NTRK2: variants seen among roughly 807,000 people sequenced by gnomAD.
NTRK2 encodes BDNF/NT-3 growth factors receptor.
A neutral mutation model predicts 94.5 loss-of-function variants in NTRK2; 13 were observed. The observed-to-expected ratio is 0.14, with a 90% confidence interval of 0.09 to 0.22. The LOEUF (loss-of-function observed/expected upper bound fraction) is 0.22. NTRK2 is among the 10% of genes least tolerant of loss of function. The pLI is 1.00. For missense variants in NTRK2, 639 were observed against 1,071.2 expected, an observed-to-expected ratio of 0.60 and a Z score of 5.63; for synonymous variants, 372 against 407.4, an observed-to-expected ratio of 0.91 and a Z score of 1.05.
At chr9:85,019,318 G>C (rs1239519496) in intron 17 of NTRK2, among the ~76,000 whole-genome samples, 2 of 152,082 alleles carry the variant, frequency 1.3e-5, no homozygotes, top group African/African-American at 2.4e-5. Flanking sequence ...GTGCTGGGGG[G>C]TTACCAGGAT....
At chr9:84,709,298 C>T (rs1386368918) in intron 5 of NTRK2, among the ~76,000 whole-genome samples, 1 of 152,188 alleles carries the variant, frequency 6.6e-6, no homozygotes, top group African/African-American at 2.4e-5. Flanking sequence ...ATAATTGAAG[C>T]ATTCCTTTCC....
intron 17 of NTRK2, among the ~76,000 whole-genome samples, chr9:84,995,696 T>C (rs1488308048): frequency 6.6e-6 from 1 of 152,166 alleles, no homozygotes; most frequent in Non-Finnish European, 1.5e-5. Context: ...ATACTACATA[T>C]ATAAAGAACT....
intron 8 of NTRK2, among the ~76,000 whole-genome samples, chr9:84,726,962 C>G (rs2062507449): frequency 6.6e-6 from 1 of 152,168 alleles, no homozygotes. Context: ...CCTACTCTGT[C>G]CAGGCTTAGA....
intron 2 of NTRK2, among the ~76,000 whole-genome samples, chr9:84,686,034 A>G (rs558396297): frequency 2.0e-5 from 3 of 152,286 alleles, no homozygotes; most frequent in South Asian, 2.1e-4. Flanking sequence ...CCCCACCCCC[A>G]TATATATACA....
chr9:84,803,744 G>T (rs538868317), intron 12 of NTRK2, among the ~76,000 whole-genome samples: 1 of 152,178 alleles, frequency 6.6e-6, no homozygotes, highest in African/African-American at 2.4e-5. Context: ...GCAGAGTTGG[G>T]TAATTCATGT....
At chr9:84,912,513 GC>G (rs2077266772) in intron 14 of NTRK2, among the ~76,000 whole-genome samples, 1 of 149,196 alleles carries the variant, frequency 6.7e-6, no homozygotes, top group East Asian at 2.0e-4. Flanking sequence ...AATTATCTTT[GC>G]TATACAGTTT....
intron 12 of NTRK2, among the ~76,000 whole-genome samples, chr9:84,756,002 T>C (rs1301424389): frequency 2.0e-5 from 3 of 152,152 alleles, no homozygotes; most frequent in Non-Finnish European, 4.4e-5. Context: ...CTACCATAAT[T>C]GCAGAAGCCA....
At chr9:84,954,939 A>C (rs1325396489) in intron 16 of NTRK2, among the ~76,000 whole-genome samples, 4 of 152,196 alleles carry the variant, frequency 2.6e-5, no homozygotes, top group Admixed American at 2.0e-4. Context: ...TCTCAGGGTC[A>C]GGGGGCCCTG....
At chr9:85,001,557 T>C (rs868459608) in intron 17 of NTRK2, among the ~76,000 whole-genome samples, 3 of 68,898 alleles carry the variant, frequency 4.4e-5, no homozygotes, top group Middle Eastern at 8.9e-3. Flanking sequence ...AGGAATTCTC[T>C]TGAAGCCCTT....
At chr9:84,693,182 C>T (rs1301316737) in intron 2 of NTRK2, among the ~76,000 whole-genome samples, 5 of 152,142 alleles carry the variant, frequency 3.3e-5, no homozygotes, top group South Asian at 2.1e-4. Context: ...GGTCAGATCC[C>T]GACCACGTGC....
chr9:84,828,184 C>A (rs1746534370), intron 12 of NTRK2, among the ~76,000 whole-genome samples: 2 of 152,162 alleles, frequency 1.3e-5, no homozygotes, highest in Non-Finnish European at 2.9e-5. Flanking sequence ...TCTATAATTA[C>A]ATTTTTGGCA....
intron 2 of NTRK2, among the ~76,000 whole-genome samples, chr9:84,676,765 T>G (rs1003258175): frequency 1.3e-5 from 2 of 152,068 alleles, no homozygotes; most frequent in African/African-American, 4.8e-5. Flanking sequence ...GTAACTGTGG[T>G]TTTTGCCATT....
At chr9:84,751,243 G>C (rs1057421073) in intron 11 of NTRK2, among the ~76,000 whole-genome samples, 7 of 152,146 alleles carry the variant, frequency 4.6e-5, no homozygotes, top group African/African-American at 1.7e-4. Context: ...CACTTCAGTA[G>C]AGAGAATAGT....
At chr9:84,833,997 C>A (rs2073726219) in intron 12 of NTRK2, among the ~76,000 whole-genome samples, 1 of 152,160 alleles carries the variant, frequency 6.6e-6, no homozygotes, top group African/African-American at 2.4e-5. Context: ...ATTTGACTTT[C>A]ATCTTCCACT....
At chr9:84,862,996 C>T in intron 13 of NTRK2, among the ~76,000 whole-genome samples, 1 of 152,088 alleles carries the variant, frequency 6.6e-6, no homozygotes, top group East Asian at 1.9e-4. Context: ...GGTTGGTTTG[C>T]ATTTGAAAGG....
intron 12 of NTRK2, among the ~76,000 whole-genome samples, chr9:84,859,296 G>A (rs555439317): frequency 3.0e-4 from 46 of 152,284 alleles, no homozygotes; most frequent in Non-Finnish European, 6.0e-4. Context: ...GAAATTGTGC[G>A]TCTTTAGTTT....
At chr9:84,971,457 A>C (rs1826173506) in intron 17 of NTRK2, among the ~76,000 whole-genome samples, 1 of 152,200 alleles carries the variant, frequency 6.6e-6, no homozygotes, top group Non-Finnish European at 1.5e-5. Flanking sequence ...TACTCTGGGA[A>C]GACTGAGGAG....
chr9:84,870,399 C>T (rs1403365852), intron 14 of NTRK2, among the ~76,000 whole-genome samples: 3 of 137,274 alleles, frequency 2.2e-5, no homozygotes, highest in Admixed American at 7.7e-5. Flanking sequence ...TGCAATGGCA[C>T]AATCATAGCT....
intron 2 of NTRK2, among the ~76,000 whole-genome samples, chr9:84,678,524 G>A (rs2059197578): frequency 6.6e-6 from 1 of 152,226 alleles, no homozygotes; most frequent in Non-Finnish European, 1.5e-5. Context: ...GCTGTGAGGT[G>A]GCAGAGGGGC....
Sources: allele counts gnomAD v4.1 joint callset (sites outside exome capture counted in the v4.1 genomes callset), GRCh38; gene constraint gnomAD v4.1.1; transcripts MANE v1.5; gene names NCBI Gene and HGNC (gene_info 2026-07-23, HGNC 2026-07-21).